RAB27B: variants seen among roughly 807,000 people sequenced by gnomAD.
RAB27B encodes the protein RAB27B, member RAS oncogene family, also known as ras-related protein Rab-27B.
In RAB27B, 15 loss-of-function variants were observed where a neutral mutation model predicts 24.6. That is an observed-to-expected ratio of 0.61 (90% CI 0.41 to 0.94). The LOEUF is 0.94. RAB27B is among the 40% of genes least tolerant of loss of function. RAB27B has a pLI of 0.00. For missense variants in RAB27B, 261 were observed against 266.8 expected (o/e 0.98, Z 0.15); for synonymous variants, 105 against 92.5 (o/e 1.14, Z -0.78).
chr18:54,782,566 G>A (rs1372241572), intron 2 of RAB27B, among the ~76,000 whole-genome samples: 1 of 152,064 alleles, frequency 6.6e-6, no homozygotes, highest in African/African-American at 2.4e-5. Flanking sequence ...TGGCTATTCT[G>A]ATATATTTGT....
chr18:54,740,420 C>A (rs1293785662), intron 2 of RAB27B, among the ~76,000 whole-genome samples: 1 of 152,092 alleles, frequency 6.6e-6, no homozygotes, highest in Non-Finnish European at 1.5e-5. Context: ...TTTTTTCCAA[C>A]ACAAATTTCC....
At chr18:54,763,612 C>G (rs74838644) in intron 2 of RAB27B, among the ~76,000 whole-genome samples, 2,227 of 152,242 alleles carry the variant, frequency 0.015, 21 homozygotes, top group Non-Finnish European at 0.024. Flanking sequence ...AATATTCTGC[C>G]TATGGTACGA....
chr18:54,889,250 C>T lies in RAB27B; in HGVS notation c.494C>T (p.Ala165Val), dbSNP rs1913267578. 1 of 1,609,988 alleles carries T rather than the reference C, an allele frequency of 6.2e-7. No homozygotes were observed. The highest frequency in any genetic ancestry group is 8.5e-7 in the Non-Finnish European group (1 of 1,178,344). Reference sequence around the variant, plus strand: ...ATACCATATTTTGAAACAAGTGCAGCAACTGGACAGAATGTGGAGAAAGCT... The same window carrying T: ...ATACCATATTTTGAAACAAGTGCAGTAACTGGACAGAATGTGGAGAAAGCT... Reference protein sequence around the residue: ...YGIPYFETSAATGQNVEKAVE... With the variant: ...YGIPYFETSAVTGQNVEKAVE... The change falls in exon 6 of 6, where the codon GCA becomes GTA. Residue 165 changes from alanine (A) to valine (V), a missense_variant. Transcript: ENST00000262094.
At chr18:54,821,100 C>T (rs1910295520) in intron 2 of RAB27B, among the ~76,000 whole-genome samples, 1 of 152,104 alleles carries the variant, frequency 6.6e-6, no homozygotes, top group Admixed American at 6.5e-5. Context: ...CAAATTGTCC[C>T]TGTTTGCAGA....
intron 2 of RAB27B, among the ~76,000 whole-genome samples, chr18:54,782,660 G>A (rs546742989): frequency 1.3e-5 from 2 of 152,178 alleles, no homozygotes; most frequent in South Asian, 2.1e-4. Flanking sequence ...GACTGAAGTT[G>A]TTCCTTAAAT....
intron 2 of RAB27B, among the ~76,000 whole-genome samples, chr18:54,808,534 T>A (rs1909865816): frequency 6.6e-6 from 1 of 152,216 alleles, no homozygotes; most frequent in Non-Finnish European, 1.5e-5. Flanking sequence ...AATCTCTTAT[T>A]ATCAGCCTCC....
At chr18:54,783,557 T>C (rs905157205) in intron 2 of RAB27B, among the ~76,000 whole-genome samples, 1 of 152,022 alleles carries the variant, frequency 6.6e-6, no homozygotes, top group Non-Finnish European at 1.5e-5. Flanking sequence ...TTTCTTGTTG[T>C]CATGTCAGTC....
At position 54,733,660 on chromosome 18, in the gene RAB27B, C is replaced by CT. The variant is rs1555651352; in HGVS notation, c.-20+15519_-20+15520insT. On this transcript the variant is annotated intron_variant, in intron 2 of 4. Transcript: ENST00000586570. ...ATCTTCTGTTCTAGAGCCCCCCCCC[C>CT]CCAAATTTGCTAAGCTCCTTGGCCT... 1.5e-3 allele frequency among the ~76,000 whole-genome samples: 204 copies of CT among 139,414 alleles called. 2 individuals are homozygous for CT. Among genetic ancestry groups the CT allele is most frequent in the Middle Eastern group, 3.6e-3 (1 of 276 alleles). The allele number at this position is 139,414 out of a possible 152,430, so 91.5% of individuals were successfully genotyped here.
chr18:54,773,536 C>A (rs953840147), intron 2 of RAB27B, among the ~76,000 whole-genome samples: 3 of 152,160 alleles, frequency 2.0e-5, no homozygotes, highest in African/African-American at 4.8e-5. Context: ...CACAGGTAGT[C>A]CTATCTTCCA....
intron 2 of RAB27B, among the ~76,000 whole-genome samples, chr18:54,753,073 G>T (rs757001929): frequency 3.9e-5 from 6 of 152,072 alleles, no homozygotes; most frequent in Non-Finnish European, 8.8e-5. Flanking sequence ...TGATCAATTT[G>T]CTTAACATTG....
rs923210696 is a variant in RAB27B, at chr18:54,848,963, C to T, written c.-20+20263C>T. Among the ~76,000 whole-genome samples the T allele has an allele frequency of 2.0e-5, 3 of 152,134 alleles. No individual in the cohort carries two copies. In the East Asian group the frequency reaches 5.8e-4, roughly 29 times the overall value. On this transcript the variant is annotated intron_variant, in intron 1 of 5. Coordinates refer to ENST00000262094, the MANE Select transcript of RAB27B (RefSeq NM_004163.4). ...AAGAAATAGAATATTCAAATAATGG[C>T]TCAAACACTGCAATAGAAAGACAAT... is the stretch of plus-strand genomic sequence containing the variant.
intron 1 of RAB27B, among the ~76,000 whole-genome samples, chr18:54,847,651 A>G (rs1164035918): frequency 2.0e-5 from 3 of 152,228 alleles, no homozygotes; most frequent in Non-Finnish European, 4.4e-5. Context: ...ATGTGGAGAA[A>G]CATACTAAAT....
At chr18:54,847,956 C>T (rs1911405857) in intron 1 of RAB27B, among the ~76,000 whole-genome samples, 1 of 152,190 alleles carries the variant, frequency 6.6e-6, no homozygotes, top group African/African-American at 2.4e-5. Flanking sequence ...TCAGACACTC[C>T]AGTGCAGCCA....
intron 2 of RAB27B, among the ~76,000 whole-genome samples, chr18:54,721,646 G>T (rs1909362384): frequency 6.6e-6 from 1 of 152,106 alleles, no homozygotes; most frequent in South Asian, 2.1e-4. Context: ...AAGGAATAGA[G>T]GCAAAAAGCA....
At chr18:54,769,052 A>G (rs1391733562) in intron 2 of RAB27B, among the ~76,000 whole-genome samples, 1 of 152,180 alleles carries the variant, frequency 6.6e-6, no homozygotes, top group Non-Finnish European at 1.5e-5. Context: ...CCAAAGTCTT[A>G]ACTCATTGCA....
At chr18:54,855,792 T>C (rs1456731237) in intron 1 of RAB27B, among the ~76,000 whole-genome samples, 1 of 152,226 alleles carries the variant, frequency 6.6e-6, no homozygotes, top group Non-Finnish European at 1.5e-5. Context: ...ACTGGGTTCT[T>C]CTTTAGATTC....
chr18:54,873,685 C>CTG (rs56409312), intron 1 of RAB27B, among the ~76,000 whole-genome samples: 26,299 of 140,554 alleles, frequency 0.19, 2,513 homozygotes, highest in East Asian at 0.3. Context: ...GAGCCAAATC[C>CTG]TGTGTGTGTG....
chr18:54,822,511 A>G (rs1910342324), intron 2 of RAB27B, among the ~76,000 whole-genome samples: 1 of 152,224 alleles, frequency 6.6e-6, no homozygotes, highest in Non-Finnish European at 1.5e-5. Context: ...ACCTCACCGT[A>G]AAGCTACCAG....
Position 54,849,772 on chromosome 18 carries a change from T to G in RAB27B, c.-20+21072T>G, listed in dbSNP as rs189620934. ...ATCACTAGGGGATATATAGAAATTA[T>G]ATGATAAAATAGACTTTAGAAAAAA... On this transcript the variant is annotated intron_variant, in intron 1 of 5. Transcript: ENST00000262094. Among the ~76,000 whole-genome samples the G allele has an allele frequency of 5.7e-4, 86 of 152,206 alleles. 1 individual carries two copies. Among genetic ancestry groups the G allele is most frequent in the African/African-American group, 1.7e-3 (71 of 41,528 alleles).
Sources: gnomAD v4.1 joint callset for allele counts (sites outside exome capture counted in the v4.1 genomes callset) on GRCh38, gnomAD v4.1.1 for gene constraint, MANE v1.5 for transcripts, NCBI Gene and HGNC (gene_info 2026-07-23, HGNC 2026-07-21) for gene names.